NFATC2: variants seen among roughly 807,000 people sequenced by gnomAD.
NFATC2 encodes nuclear factor of activated T-cells, cytoplasmic 2.
NFATC2 carries 22 observed loss-of-function variants against 87.3 expected under a neutral mutation model. The observed-to-expected ratio is 0.25, with a 90% CI of 0.18 to 0.36. The LOEUF is 0.36. Ranked by LOEUF, NFATC2 falls within the 10% of genes least tolerant of loss-of-function variation. NFATC2 has a pLI of 1.00. For synonymous variants in NFATC2, 565 were observed against 542.2 expected (o/e 1.04, Z -0.58); for missense variants, 1,149 against 1,259.1 (o/e 0.91, Z 1.32).
chr20:51,517,811 G>T (rs2076377624), intron 2 of NFATC2, among the ~76,000 whole-genome samples: 3 of 151,896 alleles, frequency 2.0e-5, no homozygotes, highest in African/African-American at 7.3e-5. Flanking sequence ...TAGCTACTCA[G>T]GAGGCTGAGG....
At chr20:51,556,283 C>T (rs978647223) in intron 1 of NFATC2, among the ~76,000 whole-genome samples, 2 of 152,168 alleles carry the variant, frequency 1.3e-5, no homozygotes, top group Non-Finnish European at 2.9e-5. Context: ...TTGTTTAAAG[C>T]CATTCAATTT....
chr20:51,537,332 G>C (rs939044156), intron 1 of NFATC2, among the ~76,000 whole-genome samples: 1 of 151,922 alleles, frequency 6.6e-6, no homozygotes, highest in African/African-American at 2.4e-5. Flanking sequence ...CACACGCATC[G>C]TGTGTGTGTC....
chr20:51,550,578 C>T (rs1028153245), intron 1 of NFATC2, among the ~76,000 whole-genome samples: 9 of 151,644 alleles, frequency 5.9e-5, no homozygotes, highest in Non-Finnish European at 7.4e-5. Flanking sequence ...GTGACAAGAG[C>T]GAAACTCCAT....
At chr20:51,531,176 G>A (rs554909592) in intron 1 of NFATC2, among the ~76,000 whole-genome samples, 12 of 152,250 alleles carry the variant, frequency 7.9e-5, no homozygotes, top group African/African-American at 1.4e-4. Flanking sequence ...AGGCAGGCTC[G>A]CCCCCAGCTG....
At chr20:51,555,920 A>G (rs1475436226) in intron 1 of NFATC2, among the ~76,000 whole-genome samples, 1 of 152,240 alleles carries the variant, frequency 6.6e-6, no homozygotes, top group Non-Finnish European at 1.5e-5. Context: ...AATATATTCA[A>G]GTCCTAACTC....
intron 10 of NFATC2, among the ~76,000 whole-genome samples, chr20:51,394,695 C>G (rs1291160711): frequency 7.1e-6 from 1 of 141,052 alleles, no homozygotes; most frequent in African/African-American, 3.2e-5. Context: ...TGGGAAACTT[C>G]AGGTCACAGT....
chr20:51,478,605 C>T (rs1176872536), intron 3 of NFATC2, among the ~76,000 whole-genome samples: 1 of 152,198 alleles, frequency 6.6e-6, no homozygotes, highest in African/African-American at 2.4e-5. Context: ...GCACTGATTG[C>T]CCAGCTTACC....
intron 3 of NFATC2, among the ~76,000 whole-genome samples, chr20:51,500,451 T>C (rs916963445): frequency 1.3e-5 from 2 of 151,948 alleles, no homozygotes; most frequent in Non-Finnish European, 2.9e-5. Flanking sequence ...GCACTTCTAC[T>C]TGGGTGATAC....
chr20:51,540,658 G>GTTTTTTTTT (rs397864888), intron 1 of NFATC2, among the ~76,000 whole-genome samples: 19 of 110,060 alleles, frequency 1.7e-4, no homozygotes, highest in African/African-American at 5.6e-4. Flanking sequence ...TTTTTTTTTT[G>GTTTTTTTTT]TTTTTTTTTT....
At chr20:51,515,151 G>A (rs947928523) in intron 3 of NFATC2, among the ~76,000 whole-genome samples, 3 of 152,202 alleles carry the variant, frequency 2.0e-5, no homozygotes, top group Admixed American at 6.5e-5. Flanking sequence ...CATCAGAGAG[G>A]AGGAAGCTGC....
chr20:51,530,874 T>G (rs562590419), intron 1 of NFATC2, among the ~76,000 whole-genome samples: 1 of 152,188 alleles, frequency 6.6e-6, no homozygotes, highest in Non-Finnish European at 1.5e-5. Flanking sequence ...GAGTCCCACA[T>G]TGAAGTCTAT....
At chr20:51,465,873 C>A (rs1199864806) in intron 5 of NFATC2, among the ~76,000 whole-genome samples, 1 of 151,986 alleles carries the variant, frequency 6.6e-6, no homozygotes, top group Non-Finnish European at 1.5e-5. Flanking sequence ...AGTGTTGCAT[C>A]CCTAGTGCCC....
At chr20:51,437,466 G>A (rs1006564083) in intron 6 of NFATC2, among the ~76,000 whole-genome samples, 1 of 152,170 alleles carries the variant, frequency 6.6e-6, no homozygotes, top group Non-Finnish European at 1.5e-5. Flanking sequence ...TTTAAGCACA[G>A]CTATTCCCAT....
intron 3 of NFATC2, among the ~76,000 whole-genome samples, chr20:51,490,311 T>C (rs1315333693): frequency 6.6e-6 from 1 of 152,160 alleles, no homozygotes; most frequent in African/African-American, 2.4e-5. Context: ...TTCAAGGTCA[T>C]GCAGCTAAGA....
chr20:51,475,971 T>G (rs1988673951), intron 3 of NFATC2, among the ~76,000 whole-genome samples: 2 of 152,096 alleles, frequency 1.3e-5, no homozygotes, highest in African/African-American at 4.8e-5. Context: ...GAGTGTTGCA[T>G]AGTAGTGAGG....
At chr20:51,522,314 T>C (rs1359051221) in intron 2 of NFATC2, among the ~76,000 whole-genome samples, 1 of 152,042 alleles carries the variant, frequency 6.6e-6, no homozygotes, top group Admixed American at 6.6e-5. Flanking sequence ...AAGCTCTTGA[T>C]TGATTAGTGA....
intron 5 of NFATC2, among the ~76,000 whole-genome samples, chr20:51,456,913 C>T (rs1462077719): frequency 6.6e-6 from 1 of 152,210 alleles, no homozygotes; most frequent in Non-Finnish European, 1.5e-5. Flanking sequence ...CCAGAGGCTT[C>T]CAGACACTCC....
At chr20:51,467,444 C>G (rs1484349451) in intron 5 of NFATC2, among the ~76,000 whole-genome samples, 1 of 152,110 alleles carries the variant, frequency 6.6e-6, no homozygotes, top group East Asian at 1.9e-4. Context: ...GTAATCCCAG[C>G]TACTCCAGAG....
At chr20:51,393,891 A>G (rs1299979154) in intron 10 of NFATC2, among the ~76,000 whole-genome samples, 1 of 152,142 alleles carries the variant, frequency 6.6e-6, no homozygotes, top group Non-Finnish European at 1.5e-5. Flanking sequence ...CTCAGAACAC[A>G]GGGCTGGGGC....
Sources: allele counts gnomAD v4.1 joint callset (sites outside exome capture counted in the v4.1 genomes callset), GRCh38; gene constraint gnomAD v4.1.1; transcripts MANE v1.5; gene names NCBI Gene and HGNC (gene_info 2026-07-23, HGNC 2026-07-21).